CCDC169: variants seen among roughly 807,000 people sequenced by gnomAD.
CCDC169 encodes coiled-coil domain-containing protein 169.
Under a neutral mutation model 36.0 loss-of-function variants are expected in CCDC169, and 30 were observed. That is an observed-to-expected ratio of 0.83 (90% CI 0.62 to 1.13). The LOEUF is 1.13. Among genes scored for constraint, CCDC169 ranks in the 50% most tolerant of loss-of-function variants. The pLI is 0.00. For synonymous variants in CCDC169, 85 were observed against 81.5 expected (o/e 1.04, Z -0.23); for missense variants, 245 against 245.9 (o/e 1.00, Z 0.03).
intron 4 of CCDC169, among the ~76,000 whole-genome samples, chr13:36,260,036 G>A (rs1301926839): frequency 6.6e-6 from 1 of 152,236 alleles, no homozygotes; most frequent in African/African-American, 2.4e-5. Context: ...ATGCCTCTGG[G>A]AGCCCTGGGC....
chr13:36,297,060 G>A (rs1483625921), intron 1 of CCDC169, among the ~76,000 whole-genome samples: 1 of 152,176 alleles, frequency 6.6e-6, no homozygotes, highest in Non-Finnish European at 1.5e-5. Flanking sequence ...AGCTACAATA[G>A]AGGAAAACCC....
chr13:36,262,441 T>C (rs1469495441), intron 4 of CCDC169, among the ~76,000 whole-genome samples: 1 of 152,198 alleles, frequency 6.6e-6, no homozygotes, highest in Non-Finnish European at 1.5e-5. Flanking sequence ...CCTGTCCTGG[T>C]AGTCTTGGAC....
intron 7 of CCDC169, among the ~76,000 whole-genome samples, chr13:36,233,316 C>CA (rs996212938): frequency 3.9e-5 from 6 of 151,930 alleles, no homozygotes; most frequent in African/African-American, 1.5e-4. Context: ...ACAGTGACAA[C>CA]AACAAACCCT....
chr13:36,294,640 G>A (rs1229290180), intron 2 of CCDC169, among the ~76,000 whole-genome samples: 4 of 151,998 alleles, frequency 2.6e-5, no homozygotes, highest in South Asian at 2.1e-4. Flanking sequence ...GGCTTTATTC[G>A]GCCGGGAGCA....
Position 36,248,698 on chromosome 13 carries a change from T to G in CCDC169, c.469-16A>C, listed in dbSNP as rs200027119. The stretch of plus-strand genomic sequence containing the variant: ...AACCAGAACCCTGAAATACAAAAAT[T>G]TGAGTGTTTATCCCCTTGGTTCATA... On this transcript the variant is annotated splice_polypyrimidine_tract_variant and intron_variant, in intron 6 of 7. Transcript: ENST00000239859. 1 of 1,548,318 alleles carries G rather than the reference T, an allele frequency of 6.5e-7. No homozygotes were observed. Among genetic ancestry groups the G allele is most frequent in the South Asian group, 1.2e-5 (1 of 83,828 alleles).
At position 36,297,729 on chromosome 13, in the gene CCDC169, C is replaced by A; in HGVS notation, c.-10G>T. ...TTCTCTCTTCCTTCATAGTGTCAGG[C>A]CAGAGACCTCCCGCGTCTTTCCCCT... On this transcript the variant is annotated 5_prime_UTR_variant, in exon 1 of 8. Transcript: ENST00000239859. 6.4e-7 allele frequency: 1 copy of A among 1,550,668 alleles called. No homozygotes were observed. Among genetic ancestry groups the A allele is most frequent in the South Asian group, 1.2e-5 (1 of 84,062 alleles).
At chr13:36,259,990 G>A (rs895631982) in intron 4 of CCDC169, among the ~76,000 whole-genome samples, 3 of 152,254 alleles carry the variant, frequency 2.0e-5, no homozygotes, top group African/African-American at 7.2e-5. Flanking sequence ...TCCAATGGAG[G>A]TGCCTCCTTG....
chr13:36,228,797 C>T (rs1018763297), downstream of CCDC169, among the ~76,000 whole-genome samples: 7 of 152,102 alleles, frequency 4.6e-5, no homozygotes, highest in African/African-American at 9.7e-5. Flanking sequence ...GCAATTCACC[C>T]GCCTCACCCT....
intron 7 of CCDC169, among the ~76,000 whole-genome samples, chr13:36,232,846 G>A (rs1201303103): frequency 2.6e-5 from 4 of 152,048 alleles, no homozygotes; most frequent in South Asian, 2.1e-4. Flanking sequence ...GCAGTGAGCC[G>A]AGATCAGCCT....
intron 4 of CCDC169, among the ~76,000 whole-genome samples, chr13:36,273,362 G>C (rs2138569428): frequency 6.6e-6 from 1 of 152,208 alleles, no homozygotes; most frequent in South Asian, 2.1e-4. Context: ...TGTCAGGTGG[G>C]AGTACTTTAG....
At chr13:36,248,717 G>T (rs1009612413) in intron 6 of CCDC169, 35 bp from the exon 7 acceptor site, 6 of 1,517,264 alleles carry the variant, frequency 4.0e-6, no homozygotes, top group Non-Finnish European at 5.4e-6. Flanking sequence ...TATCCCCTTG[G>T]TTCATAATTG....
At chr13:36,284,882 T>C (rs1447175868) in intron 2 of CCDC169, among the ~76,000 whole-genome samples, 1 of 152,120 alleles carries the variant, frequency 6.6e-6, no homozygotes, top group Non-Finnish European at 1.5e-5. Flanking sequence ...CCCTCATCTC[T>C]ATGCAAATGC....
intron 4 of CCDC169, among the ~76,000 whole-genome samples, chr13:36,278,201 C>T (rs994973375): frequency 2.6e-5 from 4 of 152,164 alleles, no homozygotes; most frequent in Non-Finnish European, 4.4e-5. Context: ...CTTACTATGT[C>T]AGGCACTATG....
At chr13:36,275,457 T>C (rs1876679041) in intron 4 of CCDC169, among the ~76,000 whole-genome samples, 2 of 152,142 alleles carry the variant, frequency 1.3e-5, no homozygotes, top group South Asian at 4.1e-4. Context: ...TATGTACCTA[T>C]CAATTGACCA....
chr13:36,296,909 G>A lies in CCDC169; in HGVS notation c.83+728C>T, dbSNP rs1253064785. 3.3e-5 allele frequency among the ~76,000 whole-genome samples: 5 copies of A among 152,234 alleles called. No homozygotes were observed. The South Asian group carries it at 1.0e-3, about 31-fold the overall frequency. ...CATAGTTACTGAGTGACAAGAGATG[G>A]AGTTTGTGTTTTTGCAGGACTGTCC... is the stretch of plus-strand genomic sequence containing the variant. On this transcript the variant is annotated intron_variant, in intron 1 of 7. Transcript: ENST00000239859.
chr13:36,256,676 A>G (rs1346416010), intron 4 of CCDC169, among the ~76,000 whole-genome samples: 2 of 152,162 alleles, frequency 1.3e-5, no homozygotes, highest in Non-Finnish European at 2.9e-5. Flanking sequence ...TGAGTGATCA[A>G]GGACTGACCT....
At chr13:36,273,282 T>C (rs1041065329) in intron 4 of CCDC169, among the ~76,000 whole-genome samples, 40 of 152,324 alleles carry the variant, frequency 2.6e-4, no homozygotes, top group African/African-American at 9.1e-4. Context: ...TGATTTATGA[T>C]AAAAAATTAT....
chr13:36,242,739 C>CAG (rs1871990083), intron 7 of CCDC169, among the ~76,000 whole-genome samples: 1 of 152,128 alleles, frequency 6.6e-6, no homozygotes, highest in Non-Finnish European at 1.5e-5. Flanking sequence ...CAAGCACAAG[C>CAG]AGTGCTGGAG....
intron 7 of CCDC169, among the ~76,000 whole-genome samples, chr13:36,247,029 C>T (rs1436481804): frequency 6.6e-6 from 1 of 152,166 alleles, no homozygotes; most frequent in Non-Finnish European, 1.5e-5. Flanking sequence ...GAAGCTAATG[C>T]TCAATTACCA....
Sources: gnomAD v4.1 joint callset for allele counts (sites outside exome capture counted in the v4.1 genomes callset) on GRCh38, gnomAD v4.1.1 for gene constraint, MANE v1.5 for transcripts, NCBI Gene and HGNC (gene_info 2026-07-23, HGNC 2026-07-21) for gene names.